Variants in TMEM266 observed in about 807,000 individuals in gnomAD.
TMEM266 encodes transmembrane protein 266, also known as Hv1 related protein 1.
TMEM266 carries 33 observed loss-of-function variants against 50.5 expected under a neutral mutation model. The observed-to-expected ratio is 0.65, with a 90% CI of 0.50 to 0.87. TMEM266 has a LOEUF of 0.87. TMEM266 is among the 40% of genes least tolerant of loss of function. The probability of loss-of-function intolerance (pLI) is 0.00; values close to 1 mark genes in which losing one functional copy is unlikely to be tolerated. For synonymous variants in TMEM266, 310 were observed against 292.3 expected (o/e 1.06, Z -0.62); for missense variants, 655 against 695.1 (o/e 0.94, Z 0.65).
intron 1 of TMEM266, among the ~76,000 whole-genome samples, chr15:76,071,611 A>G (rs1198200991): frequency 1.3e-5 from 2 of 152,184 alleles, no homozygotes; most frequent in Non-Finnish European, 2.9e-5. Flanking sequence ...CCCATGGAAC[A>G]TTCAGCATTT....
chr15:76,114,629 G>A (rs886680392), intron 1 of TMEM266, among the ~76,000 whole-genome samples: 3 of 152,080 alleles, frequency 2.0e-5, no homozygotes, highest in African/African-American at 7.2e-5. Context: ...TCAAATTACT[G>A]TATAGTGGAC....
intron 8 of TMEM266, among the ~76,000 whole-genome samples, chr15:76,182,643 C>CA (rs1340676665): frequency 2.0e-5 from 3 of 151,670 alleles, no homozygotes; most frequent in Admixed American, 6.6e-5. Context: ...GACTCAGTCA[C>CA]AAAAAAACAA....
chr15:76,163,507 C>T (rs764937086), intron 5 of TMEM266, among the ~76,000 whole-genome samples: 8 of 152,212 alleles, frequency 5.3e-5, no homozygotes, highest in Non-Finnish European at 8.8e-5. Context: ...CTGCGCTTCA[C>T]GTGGCCCTGC....
At chr15:76,130,976 T>C (rs1387632147) in intron 1 of TMEM266, among the ~76,000 whole-genome samples, 1 of 152,158 alleles carries the variant, frequency 6.6e-6, no homozygotes, top group African/African-American at 2.4e-5. Flanking sequence ...AAGTTTGGAG[T>C]TTTGTATTTT....
chr15:76,092,416 G>A (rs769326053), intron 1 of TMEM266, among the ~76,000 whole-genome samples: 4 of 152,050 alleles, frequency 2.6e-5, no homozygotes, highest in Non-Finnish European at 5.9e-5. Context: ...ATAGCTGGGC[G>A]TGGTGGCTCA....
rs572068033 is a variant in TMEM266 at position 76,181,857 on chromosome 15, C to T, written c.768+6183C>T. Among the ~76,000 whole-genome samples, 408 of 152,294 alleles carry T rather than the reference C, an allele frequency of 2.7e-3. 4 individuals carry two copies. The highest frequency in any genetic ancestry group is 0.014 in the South Asian group (67 of 4,820). On this transcript the variant is annotated intron_variant, in intron 8 of 10. Coordinates refer to ENST00000388942, the MANE Select transcript of TMEM266 (RefSeq NM_152335.3). Reference sequence around the variant, plus strand: ...TCTCGCTCTAGTTCCGAAACACATTCTGAAGTCTCCGTTACACCCGCTCTT... The same window carrying T: ...TCTCGCTCTAGTTCCGAAACACATTTTGAAGTCTCCGTTACACCCGCTCTT...
chr15:76,069,149 C>T (rs973185158), intron 1 of TMEM266, among the ~76,000 whole-genome samples: 6 of 152,108 alleles, frequency 3.9e-5, no homozygotes, highest in Admixed American at 1.3e-4. Context: ...AAATATTGTA[C>T]GAACATGTCA....
chr15:76,177,253 G>A (rs1278649300), intron 8 of TMEM266, among the ~76,000 whole-genome samples: 2 of 152,246 alleles, frequency 1.3e-5, no homozygotes, highest in African/African-American at 2.4e-5. Context: ...ACTCACATCC[G>A]GCCCCAGCCA....
At chr15:76,081,441 C>A (rs2036692718) in intron 1 of TMEM266, among the ~76,000 whole-genome samples, 1 of 152,212 alleles carries the variant, frequency 6.6e-6, no homozygotes, top group Non-Finnish European at 1.5e-5. Flanking sequence ...AAGGCAAAAA[C>A]TGCCTATATC....
intron 8 of TMEM266, among the ~76,000 whole-genome samples, chr15:76,180,445 G>A (rs1271265148): frequency 6.6e-6 from 1 of 151,932 alleles, no homozygotes; most frequent in Non-Finnish European, 1.5e-5. Context: ...GTGGGTTTTG[G>A]GAGGAAGACT....
chr15:76,119,690 C>T (rs1027942646), intron 1 of TMEM266, among the ~76,000 whole-genome samples: 3 of 152,044 alleles, frequency 2.0e-5, no homozygotes, highest in African/African-American at 7.2e-5. Context: ...TTACTTGAAC[C>T]CAGGAGGTGG....
At chr15:76,064,546 C>T (rs969807877) in intron 1 of TMEM266, among the ~76,000 whole-genome samples, 1 of 152,200 alleles carries the variant, frequency 6.6e-6, no homozygotes, top group Non-Finnish European at 1.5e-5. Flanking sequence ...CTGGGAGAAA[C>T]TGCTCCTCAG....
At chr15:76,112,233 G>C (rs1032437617) in intron 1 of TMEM266, 5 of 152,264 alleles carry the variant, frequency 3.3e-5, no homozygotes, top group South Asian at 2.1e-4. Context: ...GTGACATTAT[G>C]GATCTGTCAA....
chr15:76,138,724 A>T (rs2037631428), intron 3 of TMEM266, among the ~76,000 whole-genome samples: 1 of 152,246 alleles, frequency 6.6e-6, no homozygotes, highest in Non-Finnish European at 1.5e-5. Context: ...CATGCGGAAT[A>T]TGTGGGTCCA....
intron 3 of TMEM266, among the ~76,000 whole-genome samples, chr15:76,150,512 T>C (rs1180857092): frequency 6.6e-6 from 1 of 152,186 alleles, no homozygotes; most frequent in East Asian, 1.9e-4. Flanking sequence ...CTTGAGGGTC[T>C]CCACGGTCCC....
At chr15:76,175,806 G>T in intron 8 of TMEM266, 132 bp downstream of exon 8, 1 of 671,834 alleles carries the variant, frequency 1.5e-6, no homozygotes. Context: ...TTGGACTCAT[G>T]GGGAACCTGA....
chr15:76,072,066 G>T (rs778288664), intron 1 of TMEM266, among the ~76,000 whole-genome samples: 2 of 152,096 alleles, frequency 1.3e-5, no homozygotes, highest in African/African-American at 2.4e-5. Context: ...AGAAATAAAC[G>T]TATTTCCAGT....
intron 1 of TMEM266, among the ~76,000 whole-genome samples, chr15:76,130,229 A>C (rs2037485539): frequency 1.0e-5 from 1 of 96,068 alleles, no homozygotes; most frequent in Admixed American, 1.2e-4. Flanking sequence ...AAAAAAAAAA[A>C]AAAAAAAAAA....
At chr15:76,094,326 C>G (rs1322596613) in intron 1 of TMEM266, among the ~76,000 whole-genome samples, 1 of 152,030 alleles carries the variant, frequency 6.6e-6, no homozygotes, top group Non-Finnish European at 1.5e-5. Context: ...TTTCAGTTTT[C>G]TGCAGATGGC....
Sources: allele counts gnomAD v4.1 joint callset (sites outside exome capture counted in the v4.1 genomes callset), GRCh38; gene constraint gnomAD v4.1.1; transcripts MANE v1.5; gene names NCBI Gene and HGNC (gene_info 2026-07-23, HGNC 2026-07-21).